ARHGAP39: variants seen among roughly 807,000 people sequenced by gnomAD.
ARHGAP39 encodes Rho GTPase activating protein 39.
ARHGAP39 carries 44 observed loss-of-function variants against 106.9 expected under a neutral mutation model. That is an observed-to-expected ratio of 0.41 (90% confidence interval 0.32 to 0.53). The LOEUF (loss-of-function observed/expected upper bound fraction) is 0.53, where lower values mean the gene tolerates loss of function less well. Among genes scored for constraint, ARHGAP39 ranks in the 20% least tolerant of loss-of-function variants. ARHGAP39 has a pLI of 0.21. For missense variants in ARHGAP39, 1,496 were observed against 1,577.3 expected (o/e 0.95, Z 0.87); for synonymous variants, 768 against 693.2 (o/e 1.11, Z -1.69).
At chr8:144,546,563 C>T (rs1817430534) in intron 5 of ARHGAP39, among the ~76,000 whole-genome samples, 2 of 152,222 alleles carry the variant, frequency 1.3e-5, no homozygotes, top group Admixed American at 1.3e-4. Context: ...GATGGAGATG[C>T]TGGACAGAGG....
intron 2 of ARHGAP39, among the ~76,000 whole-genome samples, chr8:144,590,926 C>T (rs764369629): frequency 5.9e-5 from 9 of 152,318 alleles, no homozygotes; most frequent in South Asian, 2.1e-4. Flanking sequence ...ACCCCTGCCC[C>T]GTCCAGGCCA....
rs1822529445 is a variant in ARHGAP39, at chr8:144,684,643, A to G, written c.-82+1043T>C. ...AGCCGGCTGCACGTTTTAAAATAAA[A>G]AACGTCCTGGGCCCCAAAATGCACA... On this transcript the variant is annotated intron_variant, in intron 1 of 11. Coordinates refer to ENST00000377307, the MANE Select transcript of ARHGAP39 (RefSeq NM_025251.3). The surrounding 1 kb of genome is among the most constrained non-coding windows in gnomAD (Gnocchi z 4.4). Among the ~76,000 whole-genome samples, 1 of 152,166 alleles carries G rather than the reference A, an allele frequency of 6.6e-6. No individual in the cohort carries two copies. Among genetic ancestry groups the G allele is most frequent in the African/African-American group, 2.4e-5 (1 of 41,450 alleles).
intron 3 of ARHGAP39, among the ~76,000 whole-genome samples, chr8:144,564,718 C>T (rs770410049): frequency 9.2e-5 from 14 of 151,868 alleles, no homozygotes; most frequent in Non-Finnish European, 2.1e-4. Flanking sequence ...TGGAGACTCA[C>T]GCCTATAATC....
chr8:144,655,924 C>T (rs182294605), intron 1 of ARHGAP39, among the ~76,000 whole-genome samples: 15 of 152,234 alleles, frequency 9.9e-5, no homozygotes, highest in Admixed American at 9.2e-4. Flanking sequence ...TCATCAAAAG[C>T]AATGCACAAA....
upstream of ARHGAP39, among the ~76,000 whole-genome samples, chr8:144,689,694 C>G (rs182540997): frequency 2.6e-5 from 4 of 151,484 alleles, no homozygotes; most frequent in East Asian, 5.8e-4. Flanking sequence ...CCCACCTCGG[C>G]CTCCCAAAGT....
intron 3 of ARHGAP39, among the ~76,000 whole-genome samples, chr8:144,562,231 A>C (rs2130870034): frequency 6.8e-6 from 1 of 147,576 alleles, no homozygotes; most frequent in African/African-American, 2.5e-5. Flanking sequence ...GACTCACCCC[A>C]GTGGTTTCCA....
chr8:144,550,132 A>G (rs1036358893), intron 4 of ARHGAP39, among the ~76,000 whole-genome samples: 1 of 152,012 alleles, frequency 6.6e-6, no homozygotes, highest in African/African-American at 2.4e-5. Context: ...CAATTAGCCG[A>G]ACATGGTGGT....
At chr8:144,622,465 T>C (rs1820830680) in intron 1 of ARHGAP39, among the ~76,000 whole-genome samples, 1 of 151,980 alleles carries the variant, frequency 6.6e-6, no homozygotes, top group Non-Finnish European at 1.5e-5. Context: ...CTCCGGGCTC[T>C]GCCACAATGA....
At chr8:144,676,483 C>T (rs1242733199) in intron 1 of ARHGAP39, among the ~76,000 whole-genome samples, 2 of 151,770 alleles carry the variant, frequency 1.3e-5, no homozygotes, top group Admixed American at 6.5e-5. Flanking sequence ...GGTGCGTTTA[C>T]AAACCTTGAG....
chr8:144,544,441 G>C (rs887207076), intron 6 of ARHGAP39, among the ~76,000 whole-genome samples: 6 of 152,282 alleles, frequency 3.9e-5, no homozygotes, highest in Non-Finnish European at 5.9e-5. Context: ...CCACAGAACA[G>C]TCTATGGCAT....
At chr8:144,531,210 GGGCTA>G (rs1816702092) in intron 10 of ARHGAP39, among the ~76,000 whole-genome samples, 3 of 135,468 alleles carry the variant, frequency 2.2e-5, no homozygotes, top group Non-Finnish European at 3.2e-5. Context: ...GGTGGGGAGT[GGGCTA>G]GACATAGCAG....
chr8:144,634,110 C>T (rs1821130661), intron 1 of ARHGAP39, among the ~76,000 whole-genome samples: 1 of 152,262 alleles, frequency 6.6e-6, no homozygotes, highest in Non-Finnish European at 1.5e-5. Flanking sequence ...CCGGGAACTC[C>T]AGGCCTCTGC....
chr8:144,578,229 TTTTG>T (rs759538878), intron 3 of ARHGAP39, among the ~76,000 whole-genome samples: 9 of 152,222 alleles, frequency 5.9e-5, no homozygotes, highest in South Asian at 2.1e-4. Flanking sequence ...ACAGGTCAAT[TTTTG>T]TTTGTTTGTT....
chr8:144,631,321 C>T (rs958866368), intron 1 of ARHGAP39, among the ~76,000 whole-genome samples: 1 of 152,334 alleles, frequency 6.6e-6, no homozygotes, highest in East Asian at 1.9e-4. Context: ...CGGACGAGGC[C>T]CCATTTCTTG....
Position 144,534,227 on chromosome 8 carries a change from G to A in ARHGAP39, c.2615-25C>T, listed in dbSNP as rs755682656. 12 of 1,612,534 alleles carry A rather than the reference G, an allele frequency of 7.4e-6. No homozygotes were observed. In the South Asian group the frequency reaches 8.8e-5, roughly 12 times the overall value. On this transcript the variant is annotated intron_variant, in intron 7 of 11. Transcript: ENST00000377307. Reference sequence around the variant, plus strand: ...CCTGGAAAGGAAAGGGGCCTGATCAGCCTGATGTGGGTGTGTGGGTGTGGG... The same window carrying A: ...CCTGGAAAGGAAAGGGGCCTGATCAACCTGATGTGGGTGTGTGGGTGTGGG...
chr8:144,677,396 T>C (rs1485661768), intron 1 of ARHGAP39, among the ~76,000 whole-genome samples: 2 of 152,204 alleles, frequency 1.3e-5, no homozygotes, highest in Admixed American at 1.3e-4. Context: ...CCAAAGGAAG[T>C]GCAGAAATAA....
chr8:144,584,980 A>T (rs758419094), intron 2 of ARHGAP39, among the ~76,000 whole-genome samples: 11 of 152,132 alleles, frequency 7.2e-5, no homozygotes, highest in Non-Finnish European at 1.2e-4. Context: ...GAAACTGAGA[A>T]TCACCTCTTT....
intron 3 of ARHGAP39, among the ~76,000 whole-genome samples, chr8:144,570,175 G>C (rs11985356): frequency 0.069 from 10,458 of 152,232 alleles, 1,175 homozygotes; most frequent in African/African-American, 0.23. Flanking sequence ...GAGCCGAGAT[G>C]GTGCCATTGC....
intron 1 of ARHGAP39, among the ~76,000 whole-genome samples, chr8:144,633,995 G>A (rs892094101): frequency 1.3e-5 from 2 of 152,246 alleles, no homozygotes; most frequent in African/African-American, 4.8e-5. Context: ...CCCAATTAAC[G>A]GGAAAGACAA....
Sources: gnomAD v4.1 joint callset for allele counts (sites outside exome capture counted in the v4.1 genomes callset) on GRCh38, gnomAD v4.1.1 for gene constraint, Gnocchi (gnomAD v3.1) non-coding constraint, MANE v1.5 for transcripts, NCBI Gene and HGNC (gene_info 2026-07-23, HGNC 2026-07-21) for gene names.